TMTC2: variants seen among roughly 807,000 people sequenced by gnomAD.
TMTC2 encodes protein O-mannosyl-transferase TMTC2.
Under a neutral mutation model 82.4 loss-of-function variants are expected in TMTC2, and 43 were observed. The ratio of observed to expected loss-of-function variants is 0.52; its 90% CI spans 0.41 to 0.67. The LOEUF (loss-of-function observed/expected upper bound fraction) is 0.67. TMTC2 is among the 30% of genes least tolerant of loss of function. The pLI is 0.00. For synonymous variants in TMTC2, 408 were observed against 381.9 expected (o/e 1.07, Z -0.80); for missense variants, 919 against 1,012.4 (o/e 0.91, Z 1.25).
chr12:82,886,859 A>C (rs2137164516), intron 2 of TMTC2, among the ~76,000 whole-genome samples: 1 of 152,322 alleles, frequency 6.6e-6, no homozygotes, highest in East Asian at 1.9e-4. Flanking sequence ...TCAGCCATGC[A>C]TTCCTTCTTG....
At chr12:82,894,669 GTC>G (rs1451557277) in intron 2 of TMTC2, among the ~76,000 whole-genome samples, 1 of 152,088 alleles carries the variant, frequency 6.6e-6, no homozygotes, top group Non-Finnish European at 1.5e-5. Context: ...ATTTTTAGAT[GTC>G]ACCTAAGTTT....
In TMTC2 at chr12:82,707,638, T is replaced by C. The variant is rs565050815; in HGVS notation, c.83+19969T>C. Among the ~76,000 whole-genome samples, 5 of 152,332 alleles carry C rather than the reference T, an allele frequency of 3.3e-5. No individual in the cohort carries two copies. In the South Asian group the frequency reaches 1.0e-3, roughly 32 times the overall value. On this transcript the variant is annotated intron_variant, in intron 1 of 11. Transcript: ENST00000321196. Reference sequence around the variant, plus strand: ...ATCCTGACTTGGGGAATGGTAGGGATACTTTGTCTAGGCCAAGGCCTTGTT... The same window carrying C: ...ATCCTGACTTGGGGAATGGTAGGGACACTTTGTCTAGGCCAAGGCCTTGTT...
chr12:82,959,761 C>T (rs1337787524), intron 4 of TMTC2, among the ~76,000 whole-genome samples: 1 of 151,968 alleles, frequency 6.6e-6, no homozygotes, highest in Non-Finnish European at 1.5e-5. Flanking sequence ...GACCATAAGC[C>T]TTGGGAAAGA....
intron 2 of TMTC2, among the ~76,000 whole-genome samples, chr12:82,869,048 A>G (rs764695922): frequency 7.9e-5 from 12 of 152,204 alleles, no homozygotes; most frequent in East Asian, 5.8e-4. Context: ...AGACAAATCT[A>G]TAGATAAAAT....
chr12:82,758,543 A>C (rs1490117786), intron 1 of TMTC2: 3 of 152,170 alleles, frequency 2.0e-5, no homozygotes, highest in African/African-American at 7.2e-5. Context: ...ATTCCTAGGC[A>C]TAGATCCTGT....
chr12:82,892,702 T>C (rs1285195173), intron 2 of TMTC2, among the ~76,000 whole-genome samples: 1 of 152,212 alleles, frequency 6.6e-6, no homozygotes, highest in Non-Finnish European at 1.5e-5. Context: ...TCTCTTCCTC[T>C]CTACATCCCC....
intron 11 of TMTC2, among the ~76,000 whole-genome samples, chr12:83,126,289 G>GT (rs1383325190): frequency 6.6e-6 from 1 of 152,064 alleles, no homozygotes; most frequent in Non-Finnish European, 1.5e-5. Flanking sequence ...CAGGATTGTA[G>GT]TTTTCTCCTG....
intron 11 of TMTC2, among the ~76,000 whole-genome samples, chr12:83,113,601 T>C (rs370928692): frequency 1.2e-4 from 19 of 152,330 alleles, no homozygotes; most frequent in African/African-American, 4.6e-4. Context: ...TCAACAGGCA[T>C]AACACCTTGG....
intron 3 of TMTC2, among the ~76,000 whole-genome samples, chr12:82,902,702 A>C (rs561180900): frequency 6.6e-6 from 1 of 152,108 alleles, no homozygotes; most frequent in African/African-American, 2.4e-5. Flanking sequence ...TTGAAGGCAC[A>C]TAACAGTGGC....
intron 8 of TMTC2, among the ~76,000 whole-genome samples, chr12:83,017,390 A>G (rs1441631523): frequency 6.6e-6 from 1 of 152,220 alleles, no homozygotes; most frequent in Non-Finnish European, 1.5e-5. Context: ...CAGGCAAACC[A>G]GAATTACTTA....
At chr12:83,054,647 A>C (rs1251333952) in intron 10 of TMTC2, among the ~76,000 whole-genome samples, 1 of 150,848 alleles carries the variant, frequency 6.6e-6, no homozygotes, top group Admixed American at 6.7e-5. Context: ...TTTATGTATA[A>C]ATATGCATAT....
intron 2 of TMTC2, among the ~76,000 whole-genome samples, chr12:82,888,754 C>T (rs1873233032): frequency 6.6e-6 from 1 of 152,146 alleles, no homozygotes; most frequent in Non-Finnish European, 1.5e-5. Context: ...GTGTTACCCT[C>T]TTGGGAGAGA....
chr12:82,869,694 C>T (rs1872065769), intron 2 of TMTC2, among the ~76,000 whole-genome samples: 1 of 151,870 alleles, frequency 6.6e-6, no homozygotes, highest in Admixed American at 6.6e-5. Context: ...CAAAAATTAG[C>T]AGCATGCAGT....
intron 1 of TMTC2, among the ~76,000 whole-genome samples, chr12:82,811,477 C>T (rs915314074): frequency 2.0e-5 from 3 of 151,604 alleles, no homozygotes; most frequent in African/African-American, 7.3e-5. Flanking sequence ...TTTCTTAAGC[C>T]AATATTATGT....
At chr12:83,026,714 G>A (rs1490809761) in intron 8 of TMTC2, among the ~76,000 whole-genome samples, 2 of 143,966 alleles carry the variant, frequency 1.4e-5, no homozygotes, top group Admixed American at 1.4e-4. Flanking sequence ...GAGTGTGTGT[G>A]TGTGTGTGTG....
chr12:82,962,902 A>T (rs1483787407), intron 4 of TMTC2, among the ~76,000 whole-genome samples: 1 of 151,984 alleles, frequency 6.6e-6, no homozygotes, highest in Non-Finnish European at 1.5e-5. Flanking sequence ...TTTCTTTTTC[A>T]TTCTGTGTAG....
chr12:83,106,712 C>A (rs1289761279), intron 11 of TMTC2, among the ~76,000 whole-genome samples: 1 of 152,070 alleles, frequency 6.6e-6, no homozygotes, highest in African/African-American at 2.4e-5. Context: ...AAATGCACAA[C>A]AGTGAAAGAT....
chr12:83,061,471 C>T (rs1882737757), intron 10 of TMTC2, among the ~76,000 whole-genome samples: 1 of 151,670 alleles, frequency 6.6e-6, no homozygotes, highest in Admixed American at 6.6e-5. Context: ...AACCCCACCA[C>T]TATAATATAT....
chr12:83,067,479 G>A (rs1235955846), intron 11 of TMTC2, among the ~76,000 whole-genome samples: 1 of 151,970 alleles, frequency 6.6e-6, no homozygotes. Flanking sequence ...AGATATTTAA[G>A]GGTTGCTTCC....
Sources: gnomAD v4.1 joint callset for allele counts (sites outside exome capture counted in the v4.1 genomes callset) on GRCh38, gnomAD v4.1.1 for gene constraint, MANE v1.5 for transcripts, NCBI Gene and HGNC (gene_info 2026-07-23, HGNC 2026-07-21) for gene names.